The following FAM110B variants were observed in gnomAD, a reference collection of about 807,000 sequenced individuals.
The protein encoded by FAM110B is protein FAM110B.
FAM110B carries 6 observed loss-of-function variants against 20.4 expected under a neutral mutation model. That is an observed-to-expected ratio of 0.29 (90% CI 0.16 to 0.58). The LOEUF (loss-of-function observed/expected upper bound fraction) is 0.58. FAM110B is among the 20% of genes least tolerant of loss of function. The pLI is 0.90. For missense variants in FAM110B, 434 were observed against 498.2 expected (o/e 0.87, Z 1.23); for synonymous variants, 226 against 214.1 (o/e 1.06, Z -0.49).
chr8:58,014,875 T>G (rs1359456938), intron 1 of FAM110B, among the ~76,000 whole-genome samples: 1 of 152,320 alleles, frequency 6.6e-6, no homozygotes, highest in South Asian at 2.1e-4. Flanking sequence ...AATAAAATAT[T>G]TATAAGTGTA....
At chr8:57,995,985 G>T (rs1330923467) in intron 1 of FAM110B, among the ~76,000 whole-genome samples, 1 of 152,036 alleles carries the variant, frequency 6.6e-6, no homozygotes, top group African/African-American at 2.4e-5. Context: ...TGTTGGTGAA[G>T]AAGGTATTTA....
intron 3 of FAM110B, among the ~76,000 whole-genome samples, chr8:58,092,062 C>T (rs1806492351): frequency 6.6e-6 from 1 of 152,006 alleles, no homozygotes; most frequent in Non-Finnish European, 1.5e-5. Flanking sequence ...GCAGAGTAAC[C>T]ACTGCTAAAA....
chr8:58,044,153 A>T (rs1484462440), intron 2 of FAM110B, among the ~76,000 whole-genome samples: 1 of 152,200 alleles, frequency 6.6e-6, no homozygotes, highest in Non-Finnish European at 1.5e-5. Context: ...CTAGAGCAGC[A>T]TGAGTTCACA....
intron 2 of FAM110B, among the ~76,000 whole-genome samples, chr8:58,070,973 T>G (rs1355240053): frequency 1.3e-5 from 2 of 152,142 alleles, no homozygotes; most frequent in Non-Finnish European, 2.9e-5. Flanking sequence ...ATATTTAAAG[T>G]GTATATTTAG....
chr8:58,066,208 C>T (rs914767856), intron 2 of FAM110B, among the ~76,000 whole-genome samples: 8 of 152,172 alleles, frequency 5.3e-5, no homozygotes, highest in Non-Finnish European at 1.0e-4. Flanking sequence ...ACTTCTAAAC[C>T]GAGCCCTGCA....
intron 3 of FAM110B, among the ~76,000 whole-genome samples, chr8:58,076,516 G>T (rs1431186359): frequency 2.6e-5 from 4 of 152,132 alleles, no homozygotes; most frequent in Admixed American, 2.6e-4. Flanking sequence ...ACTCCTTTCT[G>T]GTCCCCACAG....
intron 2 of FAM110B, among the ~76,000 whole-genome samples, chr8:58,065,882 A>G (rs1805749627): frequency 1.3e-5 from 2 of 152,142 alleles, no homozygotes; most frequent in South Asian, 4.1e-4. Flanking sequence ...AGTCATTGGC[A>G]TTGTTGAATC....
chr8:58,013,405 T>C (rs557986490), intron 1 of FAM110B, among the ~76,000 whole-genome samples: 1 of 152,204 alleles, frequency 6.6e-6, no homozygotes, highest in Admixed American at 6.5e-5. Flanking sequence ...AGTCCCAGCC[T>C]GGCGCACTTT....
At chr8:58,047,066 T>C (rs1267421467) in intron 2 of FAM110B, among the ~76,000 whole-genome samples, 10 of 152,054 alleles carry the variant, frequency 6.6e-5, no homozygotes. Flanking sequence ...GAAGAGAAAA[T>C]ATTGGTGATG....
chr8:58,081,945 A>T (rs1387243796), intron 3 of FAM110B, among the ~76,000 whole-genome samples: 1 of 152,162 alleles, frequency 6.6e-6, no homozygotes, highest in African/African-American at 2.4e-5. Flanking sequence ...GTGAGGGTTT[A>T]TGTGTTATCT....
chr8:58,049,949 G>T (rs1475619393), intron 2 of FAM110B, among the ~76,000 whole-genome samples: 2 of 152,054 alleles, frequency 1.3e-5, no homozygotes, highest in Non-Finnish European at 2.9e-5. Flanking sequence ...GTATTTTGAT[G>T]AATAAAAGAT....
intron 2 of FAM110B, among the ~76,000 whole-genome samples, chr8:58,063,213 C>T (rs1475848567): frequency 6.6e-6 from 1 of 152,092 alleles, no homozygotes; most frequent in African/African-American, 2.4e-5. Context: ...AACATTTACC[C>T]CCTCCAGTTT....
chr8:58,063,597 C>T (rs1392799731), intron 2 of FAM110B, among the ~76,000 whole-genome samples: 1 of 152,148 alleles, frequency 6.6e-6, no homozygotes, highest in African/African-American at 2.4e-5. Context: ...TTGCAGTAAG[C>T]ATATCAATTG....
chr8:58,080,711 GTATCTATGT>G (rs1306912957), intron 3 of FAM110B, among the ~76,000 whole-genome samples: 1 of 152,194 alleles, frequency 6.6e-6, no homozygotes, highest in Non-Finnish European at 1.5e-5. Flanking sequence ...TCATGTGTGT[GTATCTATGT>G]TCAGAGATGC....
intron 3 of FAM110B, among the ~76,000 whole-genome samples, 156 bp from the exon 4 acceptor site, chr8:58,145,751 G>A (rs1323257795): frequency 6.6e-6 from 1 of 152,072 alleles, no homozygotes; most frequent in Non-Finnish European, 1.5e-5. Context: ...GGCCCGGGTC[G>A]TCCCCCTCGC....
At chr8:58,089,709 T>C (rs1170599966) in intron 3 of FAM110B, among the ~76,000 whole-genome samples, 1 of 152,166 alleles carries the variant, frequency 6.6e-6, no homozygotes, top group East Asian at 1.9e-4. Context: ...TGATGACAGG[T>C]TTTACTTCTG....
intron 3 of FAM110B, among the ~76,000 whole-genome samples, chr8:58,083,498 A>T (rs1372855454): frequency 6.6e-6 from 1 of 152,200 alleles, no homozygotes; most frequent in Non-Finnish European, 1.5e-5. Context: ...TTCATTTTTT[A>T]AATTTTGCTC....
intron 2 of FAM110B, among the ~76,000 whole-genome samples, chr8:58,063,770 ATTAATT>A (rs1039649162): frequency 1.6e-4 from 24 of 152,208 alleles, no homozygotes; most frequent in African/African-American, 5.5e-4. Context: ...ACAATGTTCT[ATTAATT>A]TTATTTATAT....
chr8:58,029,264 G>A (rs1563501753), intron 1 of FAM110B, among the ~76,000 whole-genome samples: 1 of 152,112 alleles, frequency 6.6e-6, no homozygotes, highest in Non-Finnish European at 1.5e-5. Context: ...TCTATAAATC[G>A]ACTTGAAAAT....
Sources: allele counts gnomAD v4.1 joint callset (sites outside exome capture counted in the v4.1 genomes callset), GRCh38; gene constraint gnomAD v4.1.1; transcripts MANE v1.5; gene names NCBI Gene and HGNC (gene_info 2026-07-23, HGNC 2026-07-21).